CELA3A: variants seen among roughly 807,000 people sequenced by gnomAD.
CELA3A encodes chymotrypsin-like elastase family member 3A.
In CELA3A, 35 loss-of-function variants were observed where a neutral mutation model predicts 38.6. That is an observed-to-expected ratio of 0.91 (90% confidence interval 0.69 to 1.20). The LOEUF is 1.20. Ranked by LOEUF, CELA3A falls within the 50% of genes most tolerant of loss-of-function variation. CELA3A has a pLI of 0.00. For missense variants in CELA3A, 343 were observed against 354.2 expected (o/e 0.97, Z 0.25); for synonymous variants, 143 against 136.7 (o/e 1.05, Z -0.32).
intron 2 of CELA3A, among the ~76,000 whole-genome samples, chr1:22,004,406 T>G (rs1301479503): frequency 6.6e-6 from 1 of 151,138 alleles, no homozygotes; most frequent in African/African-American, 2.4e-5. Flanking sequence ...AATAGTCACA[T>G]GTGGCTAGTG....
chr1:22,012,137 A>G (rs1327842992), intron 7 of CELA3A, among the ~76,000 whole-genome samples: 1 of 128,498 alleles, frequency 7.8e-6, no homozygotes, highest in Non-Finnish European at 1.6e-5. Context: ...ACATACGTAT[A>G]TATACACACA....
intron 1 of CELA3A, chr1:22,002,443 C>G (rs1464659987): frequency 2.3e-6 from 1 of 435,054 alleles, no homozygotes; most frequent in Non-Finnish European, 4.6e-6. Context: ...AGCAATCCTA[C>G]CACCTTAGCC....
chr1:22,004,916 A>G (rs998038555), intron 2 of CELA3A, among the ~76,000 whole-genome samples: 3 of 151,304 alleles, frequency 2.0e-5, no homozygotes, highest in African/African-American at 7.3e-5. Context: ...CCTGGCCAAC[A>G]TGGTGAAACT....
At chr1:22,007,243 G>A in intron 5 of CELA3A, 130 bp from the exon 6 acceptor site, 2 of 1,370,782 alleles carry the variant, frequency 1.5e-6, no homozygotes, top group African/African-American at 3.0e-5. Flanking sequence ...AAAGCATGCA[G>A]GACCATTTAG....
Position 22,006,975 on chromosome 1 carries a change from A to G in CELA3A, c.460A>G (p.Lys154Glu), listed in dbSNP as rs143596163. ...LPPAGDILPN[K>E]TPCYITGWGR... is the part of the protein sequence containing the mutation. ...TCCCGCTGGTGACATCCTTCCCAAC[A>G]AGACACCCTGCTACATCACCGGCTG... The change falls in exon 5 of 8, where the codon AAG becomes GAG. Residue 154 changes from lysine (K) to glutamate (E), a missense_variant. Transcript: ENST00000290122. 433 of 1,611,052 alleles carry G rather than the reference A, an allele frequency of 2.7e-4. 9 individuals carry two copies. The highest frequency in any genetic ancestry group is 1.2e-3 in the African/African-American group (90 of 74,208).
At position 22,005,427 on chromosome 1, in the gene CELA3A, C is replaced by G; in HGVS notation, c.130-20C>G. 1 of 1,611,708 alleles carries G rather than the reference C, an allele frequency of 6.2e-7. No individual in the cohort carries two copies. Among genetic ancestry groups the G allele is most frequent in the Non-Finnish European group, 8.5e-7 (1 of 1,179,566 alleles). On this transcript the variant is annotated intron_variant, in intron 2 of 7. Transcript: ENST00000290122. ...TGGTGGGGCCCAGCCCACTGAGGCC[C>G]TTTCCTCCTGGGCCACCAGGTTTCC...
Position 22,005,533 on chromosome 1 carries a change from C to T in CELA3A, c.216C>T (p.Gly72=), listed in dbSNP as rs1180429185. 1.2e-6 allele frequency: 2 copies of T among 1,612,930 alleles called. No individual in the cohort carries two copies. Among genetic ancestry groups the T allele is most frequent in the Non-Finnish European group, 1.7e-6 (2 of 1,179,558 alleles). ...CCCCCGATTGGGTTGTGACTGCCGG[C>T]CACTGCATCTCGTGAGTTCTCTACC... ...LIAPDWVVTA[G]HCISRDLTYQ... The change falls in exon 3 of 8, where the codon GGC becomes GGT. Residue 72 remains glycine (G), a synonymous_variant. Transcript: ENST00000290122.
intron 4 of CELA3A, among the ~76,000 whole-genome samples, chr1:22,006,656 G>A (rs1312371168): frequency 1.3e-5 from 2 of 150,694 alleles, no homozygotes; most frequent in African/African-American, 4.9e-5. Flanking sequence ...CCAGGAGGCT[G>A]CAGTGAGCTA....
chr1:22,004,677 T>G (rs1644938010), intron 2 of CELA3A, among the ~76,000 whole-genome samples: 1 of 151,876 alleles, frequency 6.6e-6, no homozygotes, highest in Admixed American at 6.6e-5. Context: ...GTCCACAGTT[T>G]GCTAACCCTG....
At chr1:22,008,727 C>A (rs1488907657) in intron 6 of CELA3A, among the ~76,000 whole-genome samples, 3 of 150,390 alleles carry the variant, frequency 2.0e-5, no homozygotes, top group Non-Finnish European at 4.4e-5. Context: ...CCACTGCACT[C>A]CAACCTGGGT....
intron 6 of CELA3A, among the ~76,000 whole-genome samples, chr1:22,008,236 G>T (rs1644963016): frequency 7.3e-6 from 1 of 136,774 alleles, no homozygotes; most frequent in Admixed American, 8.5e-5. Flanking sequence ...CTGTAGCCTT[G>T]CCCTCCTGGG....
At position 22,005,028 on chromosome 1, in the gene CELA3A, G is replaced by A. The variant is rs562352898; in HGVS notation, c.130-419G>A. 2.3e-4 allele frequency among the ~76,000 whole-genome samples: 35 copies of A among 150,848 alleles called. 1 individual carries two copies. The highest frequency in any genetic ancestry group is 1.2e-4 in the Non-Finnish European group (8 of 67,814). Reference sequence around the variant, plus strand: ...ACAGGAGAATCGCTTGAACCCGGGAGGCGGAGGTTGAAATGAGCTGAGATT... The same window carrying A: ...ACAGGAGAATCGCTTGAACCCGGGAAGCGGAGGTTGAAATGAGCTGAGATT... On this transcript the variant is annotated intron_variant, in intron 2 of 7. Coordinates refer to ENST00000290122, the MANE Select transcript of CELA3A (RefSeq NM_005747.5).
At chr1:22,006,580 C>G (rs1418790806) in intron 4 of CELA3A, among the ~76,000 whole-genome samples, 2 of 149,676 alleles carry the variant, frequency 1.3e-5, no homozygotes, top group Non-Finnish European at 3.0e-5. Flanking sequence ...CGATTTGGGC[C>G]AGGTATAGTG....
At chr1:22,008,524 C>T (rs1318828878) in intron 6 of CELA3A, among the ~76,000 whole-genome samples, 4 of 150,434 alleles carry the variant, frequency 2.7e-5, no homozygotes, top group Non-Finnish European at 5.9e-5. Context: ...CTTTGGGAGG[C>T]CGAGCCGGGC....
At chr1:22,008,760 GA>G (rs34410812) in intron 6 of CELA3A, among the ~76,000 whole-genome samples, 33,338 of 145,180 alleles carry the variant, frequency 0.23, 3,574 homozygotes, top group East Asian at 0.37. Context: ...CGCTGACTCA[GA>G]AAAAAAAAAA....
At position 22,007,477 on chromosome 1, in the gene CELA3A, A is replaced by G; in HGVS notation, c.604A>G (p.Met202Val). Residue 202 changes from methionine to valine, a missense_variant, in exon 6 of 8, where the codon ATG (methionine) becomes GTG (valine). By Grantham distance (21) the Met-to-Val change is conservative. Coordinates refer to ENST00000290122, the MANE Select transcript of CELA3A (RefSeq NM_005747.5). ...NWWGSTVKKT[M>V]VCAGGYIRSG... is the part of the protein sequence containing the mutation. Reference sequence around the variant, plus strand: ...GTGGGGTTCCACCGTGAAGAAAACCATGGTGTGTGCTGGAGGGTACATCCG... The same window carrying G: ...GTGGGGTTCCACCGTGAAGAAAACCGTGGTGTGTGCTGGAGGGTACATCCG... 1 of 1,612,376 alleles carries G rather than the reference A, an allele frequency of 6.2e-7. No homozygotes were observed.
intron 2 of CELA3A, among the ~76,000 whole-genome samples, chr1:22,005,206 C>A (rs1226374855): frequency 2.0e-5 from 3 of 151,502 alleles, no homozygotes; most frequent in Admixed American, 2.0e-4. Flanking sequence ...CCAGGGAGGT[C>A]ATAGTGCTGG....
intron 2 of CELA3A, among the ~76,000 whole-genome samples, chr1:22,004,724 A>T (rs56752993): frequency 0.016 from 2,405 of 151,290 alleles, 3 homozygotes; most frequent in East Asian, 0.12. Flanking sequence ...AATGTGTAGG[A>T]AATGGGAAGA....
chr1:22,003,193 A>C (rs1644928712), intron 2 of CELA3A, 105 bp downstream of exon 2: 3 of 1,165,728 alleles, frequency 2.6e-6, no homozygotes, highest in Admixed American at 3.9e-5. Context: ...TGCAATGTCC[A>C]CTTCAGCTTC....
Sources: allele counts gnomAD v4.1 joint callset (sites outside exome capture counted in the v4.1 genomes callset), GRCh38; gene constraint gnomAD v4.1.1; transcripts MANE v1.5; gene names NCBI Gene and HGNC (gene_info 2026-07-23, HGNC 2026-07-21).